The following ZNF287 variants were observed in gnomAD, a reference collection of about 807,000 sequenced individuals.
The protein encoded by ZNF287 is zinc finger protein with KRAB and SCAN domains 13.
Under a neutral mutation model 73.7 loss-of-function variants are expected in ZNF287, and 31 were observed. The ratio of observed to expected loss-of-function variants is 0.42; its 90% CI spans 0.32 to 0.57. The LOEUF is 0.57. Among genes scored for constraint, ZNF287 ranks in the 20% least tolerant of loss-of-function variants. The pLI, the probability that ZNF287 is intolerant of heterozygous loss-of-function variation, is 0.13. For missense variants in ZNF287, 641 were observed against 909.3 expected (o/e 0.70, Z 3.79); for synonymous variants, 301 against 307.2 (o/e 0.98, Z 0.21).
At chr17:16,559,064 T>C (rs1597468547) in intron 5 of ZNF287, 1 of 152,170 alleles carries the variant, frequency 6.6e-6, no homozygotes, top group East Asian at 1.9e-4. Flanking sequence ...AGTATACTTC[T>C]TTCATATACA....
chr17:16,568,035 A>G, intron 1 of ZNF287, 106 bp from the exon 2 acceptor site: 1 of 1,050,624 alleles, frequency 9.5e-7, no homozygotes, highest in East Asian at 5.6e-5. Flanking sequence ...AACACACATA[A>G]GCTTTACCTT....
chr17:16,567,899 G>C lies in ZNF287; in HGVS notation c.-168C>G. 6.3e-6 allele frequency: 9 copies of C among 1,430,194 alleles called. No homozygotes were observed. The highest frequency in any genetic ancestry group is 8.2e-6 in the Non-Finnish European group (9 of 1,097,824). 88.6% of individuals were successfully genotyped at this position (1,430,194 alleles called of 1,614,324 possible). On this transcript the variant is annotated 5_prime_UTR_variant, in exon 2 of 6. Coordinates refer to ENST00000395825, the MANE Select transcript of ZNF287 (RefSeq NM_020653.4). ...TAGCAGCCTTAGTGACAAATTCTGA[G>C]CCCAGAACTTGCAGGGATGGATAAG... is the stretch of plus-strand genomic sequence containing the variant.
rs998716940 is a variant in ZNF287 at position 16,549,016 on chromosome 17, G to A, written c.*2840C>T. Among the ~76,000 whole-genome samples, 2 of 151,998 alleles carry A rather than the reference G, an allele frequency of 1.3e-5. No homozygotes were observed. The highest frequency in any genetic ancestry group is 4.8e-5 in the African/African-American group (2 of 41,354). Reference sequence around the variant, plus strand: ...TTATTTTTGTAAGATGCATGCTGAAGTATTTAGAGATGAAATGTCATGTCT... The same window carrying A: ...TTATTTTTGTAAGATGCATGCTGAAATATTTAGAGATGAAATGTCATGTCT... On this transcript the variant is annotated 3_prime_UTR_variant, in exon 6 of 6. Coordinates refer to ENST00000395825, the MANE Select transcript of ZNF287 (RefSeq NM_020653.4).
intron 1 of ZNF287, 68 bp from the exon 2 acceptor site, chr17:16,567,997 A>G: frequency 7.9e-7 from 1 of 1,263,298 alleles, no homozygotes; most frequent in Non-Finnish European, 1.0e-6. Flanking sequence ...ATACACACAC[A>G]GAAACAGACT....
Position 16,567,420 on chromosome 17 carries a change from C to T in ZNF287, c.312G>A (p.Glu104=), listed in dbSNP as rs146385284. 35 of 1,614,196 alleles carry T rather than the reference C, an allele frequency of 2.2e-5. No homozygotes were observed. In the East Asian group the frequency reaches 7.6e-4, roughly 35 times the overall value. Residue 104 remains glutamate, a synonymous_variant, in exon 2 of 6, where the codon GAG becomes GAA. Transcript: ENST00000395825. The stretch of plus-strand genomic sequence containing the variant: ...ACTGGGACTTTACCCAAGTCCTAAC[C>T]TCACCAGGCAGGATGGTCAGGAATT... The part of the protein sequence containing the change: ...LEQFLTILPG[E]VRTWVKSQYP...
At chr17:16,562,467 C>T (rs1467756567) in intron 5 of ZNF287, among the ~76,000 whole-genome samples, 1 of 152,084 alleles carries the variant, frequency 6.6e-6, no homozygotes, top group East Asian at 1.9e-4. Flanking sequence ...CTGGAGACAA[C>T]AGTTGTTCAA....
chr17:16,560,162 A>G (rs1664019339), intron 5 of ZNF287, among the ~76,000 whole-genome samples: 1 of 151,854 alleles, frequency 6.6e-6, no homozygotes, highest in South Asian at 2.1e-4. Flanking sequence ...GGGTTTTACC[A>G]TGTTGGACAG....
At chr17:16,555,860 T>C (rs552226955) in intron 5 of ZNF287, among the ~76,000 whole-genome samples, 2 of 152,224 alleles carry the variant, frequency 1.3e-5, no homozygotes, top group Non-Finnish European at 2.9e-5. Flanking sequence ...GAATTTATAA[T>C]ATAGCAAAAA....
chr17:16,551,753 A>G lies in ZNF287; in HGVS notation c.*103T>C. On this transcript the variant is annotated 3_prime_UTR_variant, in exon 6 of 6. Transcript: ENST00000395825. ...CTGATACTTCTGCTGAGTATCTAAC[A>G]TATTGCACTTCTTCAGACTTCTTCT... 3 of 1,239,666 alleles carry G rather than the reference A, an allele frequency of 2.4e-6. No homozygotes were observed. The Admixed American group carries it at 6.9e-5, about 28-fold the overall frequency. The allele number at this position is 1,239,666 out of a possible 1,614,324, so 76.8% of individuals were successfully genotyped here.
chr17:16,566,856 C>T (rs966249069), intron 2 of ZNF287, among the ~76,000 whole-genome samples: 2 of 152,196 alleles, frequency 1.3e-5, no homozygotes, highest in Non-Finnish European at 2.9e-5. Flanking sequence ...ACAAAATTCA[C>T]ATTTTAACTA....
In ZNF287 at chr17:16,551,650, CAAATT is replaced by C. The variant is rs1906665848; in HGVS notation, c.*201_*205del. ...TTTCTGTAATGAATTAAAATCATAT[CAAATT>C]AAGGTTAAGAAGTCAAGTTTCCTTC... is the stretch of plus-strand genomic sequence containing the variant. On this transcript the variant is annotated 3_prime_UTR_variant, in exon 6 of 6. Coordinates refer to ENST00000395825, the MANE Select transcript of ZNF287 (RefSeq NM_020653.4). 4 of 505,154 alleles carry C rather than the reference CAAATT, an allele frequency of 7.9e-6. No individual in the cohort carries two copies. The South Asian group carries it at 1.7e-4, about 22-fold the overall frequency. 31.3% of individuals were successfully genotyped at this position (505,154 alleles called of 1,614,324 possible). A position where few individuals can be genotyped will look rare whatever the true frequency, so the allele number is the denominator to read the frequency against.
At position 16,548,735 on chromosome 17, in the gene ZNF287, C is replaced by G. The variant is rs1471583170; in HGVS notation, c.*3121G>C. On this transcript the variant is annotated 3_prime_UTR_variant, in exon 6 of 6. Coordinates refer to ENST00000395825, the MANE Select transcript of ZNF287 (RefSeq NM_020653.4). ...GAATGGCGTGAACCTGGGAGGCGGA[C>G]CTTGCAGTGAGCCGAGATTGCACCA... Among the ~76,000 whole-genome samples, 1 of 152,008 alleles carries G rather than the reference C, an allele frequency of 6.6e-6. No individual in the cohort carries two copies. Among genetic ancestry groups the G allele is most frequent in the Non-Finnish European group, 1.5e-5 (1 of 67,982 alleles).
rs917257637 is a variant in ZNF287 at position 16,566,555 on chromosome 17, C to G, written c.471G>C (p.Gln157His). The G allele has an allele frequency of 6.2e-7, 1 of 1,613,252 alleles. No homozygotes were observed. Among genetic ancestry groups the G allele is most frequent in the African/African-American group, 1.3e-5 (1 of 74,898 alleles). ...TCACCAAGTCATTTAGCCATCCTGT[C>G]TGGAAAGCATGTTTTCCTCTGGGGT... ...EEDPRGKHAF[Q>H]TGWLNDLVTK... The change falls in exon 3 of 6, where the codon CAG becomes CAC. Residue 157 changes from glutamine (Q) to histidine (H), a missense_variant. Gln to His is a conservative substitution (Grantham distance 24). Transcript: ENST00000395825.
At chr17:16,556,034 CTGAT>C (rs766434318) in intron 5 of ZNF287, among the ~76,000 whole-genome samples, 4 of 147,710 alleles carry the variant, frequency 2.7e-5, no homozygotes, top group Non-Finnish European at 5.9e-5. Context: ...ATATTGATAA[CTGAT>C]AGGTAGGTCT....
At position 16,552,273 on chromosome 17, in the gene ZNF287, A is replaced by G; in HGVS notation, c.1869T>C (p.Ser623=). The G allele has an allele frequency of 6.2e-7, 1 of 1,613,908 alleles. No homozygotes were observed. The highest frequency in any genetic ancestry group is 1.1e-5 in the South Asian group (1 of 91,072). The change falls in exon 6 of 6, where the codon AGT becomes AGC. Residue 623 remains serine, a synonymous_variant. Coordinates refer to ENST00000395825, the MANE Select transcript of ZNF287 (RefSeq NM_020653.4). This position sits in a 1 kb window ranked among gnomAD's most constrained non-coding sequence, Gnocchi z 6.5. ...THTGEKPYKC[S]VCGKAFSQSV... ...TCTGGCTGAATGCTTTCCCACACAC[A>G]CTGCATTTATATGGTTTCTCTCCAG...
At chr17:16,557,434 TA>T (rs1426544670) in intron 5 of ZNF287, among the ~76,000 whole-genome samples, 1 of 152,086 alleles carries the variant, frequency 6.6e-6, no homozygotes, top group Non-Finnish European at 1.5e-5. Flanking sequence ...TAAAGAACTA[TA>T]AAAGATCTGA....
At chr17:16,566,884 A>C (rs1266564545) in intron 2 of ZNF287, among the ~76,000 whole-genome samples, 4 of 152,238 alleles carry the variant, frequency 2.6e-5, no homozygotes, top group Non-Finnish European at 5.9e-5. Context: ...ATGTGATATT[A>C]ATTTTGTGAG....
At chr17:16,563,265 G>A in intron 4 of ZNF287, 33 bp from the exon 5 acceptor site, 1 of 1,500,772 alleles carries the variant, frequency 6.7e-7, no homozygotes, top group Non-Finnish European at 9.1e-7. Context: ...ATTTTATCCT[G>A]GAGATAAATG....
Position 16,553,126 on chromosome 17 carries a change from G to C in ZNF287, c.1016C>G (p.Thr339Ser). Residue 339 changes from threonine (T) to serine (S), a missense_variant, in exon 6 of 6, where the codon ACT (threonine) becomes AGT (serine). Coordinates refer to ENST00000395825, the MANE Select transcript of ZNF287 (RefSeq NM_020653.4). ...TGCCCTGCCTTCATTATACACAGAA[G>C]TTTTATTATCTAATTGGGTATCAAA... ...VQFDTQLDNK[T>S]SVYNEGRATF... 6.2e-7 allele frequency: 1 copy of C among 1,613,330 alleles called. No homozygotes were observed. Among genetic ancestry groups the C allele is most frequent in the Non-Finnish European group, 8.5e-7 (1 of 1,179,318 alleles).
Sources: allele counts gnomAD v4.1 joint callset (sites outside exome capture counted in the v4.1 genomes callset), GRCh38; gene constraint gnomAD v4.1.1; non-coding constraint Gnocchi (gnomAD v3.1); transcripts MANE v1.5; gene names NCBI Gene and HGNC (gene_info 2026-07-23, HGNC 2026-07-21).